The following MAD2L1BP variants were observed in gnomAD, a reference collection of about 807,000 sequenced individuals.
MAD2L1BP encodes MAD2L1-binding protein.
In MAD2L1BP, 22 loss-of-function variants were observed where a neutral mutation model predicts 28.4. The observed-to-expected ratio is 0.77, with a 90% confidence interval of 0.55 to 1.10. The LOEUF (loss-of-function observed/expected upper bound fraction) is 1.10, where lower values mean the gene tolerates loss of function less well. Ranked by LOEUF, MAD2L1BP falls within the 50% of genes least tolerant of loss-of-function variation. The pLI is 0.00. For synonymous variants in MAD2L1BP, 146 were observed against 133.7 expected, an observed-to-expected ratio of 1.09 and a Z score of -0.63; for missense variants, 325 against 350.5, an observed-to-expected ratio of 0.93 and a Z score of 0.58.
chr6:43,629,846 G>C, intron 1 of MAD2L1BP: 1 of 1,496,570 alleles, frequency 6.7e-7, no homozygotes, highest in African/African-American at 1.4e-5. Context: ...GGATGATTAT[G>C]CTACCTTTAC....
At chr6:43,635,780 C>G (rs796142322), upstream of MAD2L1BP, 2 of 1,313,906 alleles carry the variant, frequency 1.5e-6, no homozygotes, top group African/African-American at 3.1e-5. Context: ...CGCCTTTTTT[C>G]CGACCCAACT....
At chr6:43,633,363 G>T, upstream of MAD2L1BP, 1 of 308,750 alleles carries the variant, frequency 3.2e-6, no homozygotes, top group Non-Finnish European at 6.3e-6. Context: ...GTAGAGACGG[G>T]GTTTCTCCAT....
exon 1 of MAD2L1BP, chr6:43,629,671 T>G (rs993057504): frequency 4.1e-6 from 6 of 1,462,866 alleles, no homozygotes; most frequent in Non-Finnish European, 9.4e-7. Flanking sequence ...CAACAGGTTT[T>G]GGACCTCGAG....
chr6:43,639,167 TC>T (rs1246514158), intron 2 of MAD2L1BP, among the ~76,000 whole-genome samples: 3 of 151,468 alleles, frequency 2.0e-5, no homozygotes, highest in African/African-American at 7.3e-5. Flanking sequence ...TGAGACAGAG[TC>T]TCGCTCTGTC....
In MAD2L1BP at chr6:43,635,887, G is replaced by A; in HGVS notation, c.12G>A (p.Pro4=). 4 of 1,478,800 alleles carry A rather than the reference G, an allele frequency of 2.7e-6. No homozygotes were observed. Among genetic ancestry groups the A allele is most frequent in the Middle Eastern group, 4.6e-4 (2 of 4,306 alleles). The allele number at this position is 1,478,800 out of a possible 1,614,324, so 91.6% of individuals were successfully genotyped here. The change falls in exon 1 of 3, where the codon CCG becomes CCA. Residue 4 remains proline, a synonymous_variant. Transcript: ENST00000372171. ...GAGGGGAGGTCGTGATGGCGGCGCC[G>A]GAGGCGGAGGTTCTGTCCTCAGCCG... MAA[P]EAEVLSSAAV... is the part of the protein sequence containing the mutation.
intron 2 of MAD2L1BP, among the ~76,000 whole-genome samples, chr6:43,637,690 C>G (rs1229218067): frequency 6.6e-6 from 1 of 151,586 alleles, no homozygotes; most frequent in Non-Finnish European, 1.5e-5. Context: ...CCTCCGCCTC[C>G]CAGGTTCAAG....
chr6:43,629,640 C>T (rs1424989626), exon 1 of MAD2L1BP: 1 of 1,186,808 alleles, frequency 8.4e-7, no homozygotes, highest in Non-Finnish European at 1.2e-6. Flanking sequence ...CGGGATTTGG[C>T]CCTTTAGCGC....
At chr6:43,634,080 A>G (rs1770062481), upstream of MAD2L1BP, among the ~76,000 whole-genome samples, 1 of 151,880 alleles carries the variant, frequency 6.6e-6, no homozygotes, top group Non-Finnish European at 1.5e-5. Context: ...AAATATCTCT[A>G]TTCATTATCC....
exon 1 of MAD2L1BP, chr6:43,629,549 T>G: frequency 3.1e-6 from 2 of 651,078 alleles, no homozygotes; most frequent in Admixed American, 5.0e-5. Context: ...GGGGGGAATT[T>G]AGAGCCTCGA....
rs1561932417 is a variant in MAD2L1BP, at chr6:43,640,669, C to A, written c.*136C>A. On this transcript the variant is annotated 3_prime_UTR_variant, in exon 3 of 3. Coordinates refer to ENST00000372171, the MANE Select transcript of MAD2L1BP (RefSeq NM_014628.3). ...CAACTCTCCTTCTGGTTGTCTGCCTCCCCTCAGATTTCCTGATAGGCTGAT... is the reference window on the plus strand; with the variant it reads ...CAACTCTCCTTCTGGTTGTCTGCCTACCCTCAGATTTCCTGATAGGCTGAT... The A allele has an allele frequency of 1.1e-6, 1 of 899,478 alleles. No individual in the cohort carries two copies. The highest frequency in any genetic ancestry group is 1.9e-5 in the South Asian group (1 of 53,528). The allele number at this position is 899,478 out of a possible 1,614,324, so 55.7% of individuals were successfully genotyped here. A position where few individuals can be genotyped will look rare whatever the true frequency, so the allele number is the denominator to read the frequency against.
rs539003881 is a variant in MAD2L1BP, at chr6:43,636,773, A to T, written c.312+127A>T. Reference sequence around the variant, plus strand: ...ATAAGCAGCTTCCAGGGCTTCGGTCACTTTCTCCCCACTCTAGTCTTTGGT... The same window carrying T: ...ATAAGCAGCTTCCAGGGCTTCGGTCTCTTTCTCCCCACTCTAGTCTTTGGT... On this transcript the variant is annotated intron_variant, in intron 2 of 2. Coordinates refer to ENST00000372171, the MANE Select transcript of MAD2L1BP (RefSeq NM_014628.3). The T allele has an allele frequency of 1.7e-4, 184 of 1,105,472 alleles. 1 individual carries two copies. In the East Asian group the frequency reaches 4.2e-3, roughly 25 times the overall value. The allele number at this position is 1,105,472 out of a possible 1,614,324, so 68.5% of individuals were successfully genotyped here.
chr6:43,635,958 G>A (rs1331663454), intron 1 of MAD2L1BP, 37 bp downstream of exon 1: 2 of 1,529,660 alleles, frequency 1.3e-6, no homozygotes, highest in East Asian at 5.0e-5. Context: ...GAGCCTTGGG[G>A]ACTTGTTTCT....
upstream of MAD2L1BP, among the ~76,000 whole-genome samples, chr6:43,634,220 C>CTTTTTTTTTTTTTTTTTT (rs751773637): frequency 9.6e-6 from 1 of 103,668 alleles, no homozygotes; most frequent in African/African-American, 4.1e-5. Flanking sequence ...TTCTTTTTTT[C>CTTTTTTTTTTTTTTTTTT]TTTTTTTTTT....
At chr6:43,635,953 T>C (rs1322278392) in intron 1 of MAD2L1BP, 32 bp downstream of exon 1, 2 of 1,532,814 alleles carry the variant, frequency 1.3e-6, no homozygotes, top group East Asian at 2.5e-5. Flanking sequence ...TTGGGGAGCC[T>C]TGGGGACTTG....
At position 43,640,795 on chromosome 6, in the gene MAD2L1BP, G is replaced by T; in HGVS notation, c.*262G>T. 1 of 421,656 alleles carries T rather than the reference G, an allele frequency of 2.4e-6. No individual in the cohort carries two copies. Among genetic ancestry groups the T allele is most frequent in the East Asian group, 4.0e-5 (1 of 24,696 alleles). The allele number at this position is 421,656 out of a possible 1,614,324, so 26.1% of individuals were successfully genotyped here. A position where few individuals can be genotyped will look rare whatever the true frequency, so the allele number is the denominator to read the frequency against. ...GGTGCTGGGTCAGGCATTTCTATTAGGAGTTGGAAAGCAAAAATGGGTCCA... is the reference window on the plus strand; with the variant it reads ...GGTGCTGGGTCAGGCATTTCTATTATGAGTTGGAAAGCAAAAATGGGTCCA... On this transcript the variant is annotated 3_prime_UTR_variant, in exon 3 of 3. Coordinates refer to ENST00000372171, the MANE Select transcript of MAD2L1BP (RefSeq NM_014628.3).
intron 2 of MAD2L1BP, among the ~76,000 whole-genome samples, chr6:43,639,382 G>A (rs560982081): frequency 3.0e-4 from 45 of 152,168 alleles, no homozygotes; most frequent in Non-Finnish European, 5.0e-4. Flanking sequence ...CTTGTGATCC[G>A]CCCGCCTCGG....
chr6:43,639,361 G>A (rs1436401460), intron 2 of MAD2L1BP, among the ~76,000 whole-genome samples: 1 of 152,126 alleles, frequency 6.6e-6, no homozygotes, highest in East Asian at 1.9e-4. Context: ...GGATGGTCTT[G>A]ATCTCCTGAC....
upstream of MAD2L1BP, among the ~76,000 whole-genome samples, chr6:43,634,703 G>A (rs901827745): frequency 1.3e-5 from 2 of 152,130 alleles, no homozygotes; most frequent in East Asian, 1.9e-4. Flanking sequence ...TGGGATTACA[G>A]GTGCATGCCA....
At position 43,638,094 on chromosome 6, in the gene MAD2L1BP, C is replaced by T. The variant is rs560591682; in HGVS notation, c.312+1448C>T. On this transcript the variant is annotated intron_variant, in intron 2 of 2. Coordinates refer to ENST00000372171, the MANE Select transcript of MAD2L1BP (RefSeq NM_014628.3). ...TGTATTTTTAGTAGAGACAGGGTATCGCAATGTTGGCTAGGCTGCTCTCAA... is the reference window on the plus strand; with the variant it reads ...TGTATTTTTAGTAGAGACAGGGTATTGCAATGTTGGCTAGGCTGCTCTCAA... 5.9e-5 allele frequency among the ~76,000 whole-genome samples: 9 copies of T among 152,170 alleles called. No homozygotes were observed. The South Asian group carries it at 1.7e-3, about 28-fold the overall frequency.
Sources: allele counts gnomAD v4.1 joint callset (sites outside exome capture counted in the v4.1 genomes callset), GRCh38; gene constraint gnomAD v4.1.1; transcripts MANE v1.5; gene names NCBI Gene and HGNC (gene_info 2026-07-23, HGNC 2026-07-21).